Variants in HSPG2 observed in about 807,000 individuals in gnomAD.
The protein encoded by HSPG2 is heparan sulfate proteoglycan 2.
In HSPG2, 278 loss-of-function variants were observed where a neutral mutation model predicts 526.6. The ratio of observed to expected loss-of-function variants is 0.53; its 90% CI spans 0.48 to 0.58. The LOEUF (loss-of-function observed/expected upper bound fraction) is 0.58. Ranked by LOEUF, HSPG2 falls within the 20% of genes least tolerant of loss-of-function variation. The probability of loss-of-function intolerance (pLI) is 0.00; values close to 1 mark genes in which losing one functional copy is unlikely to be tolerated. For synonymous variants in HSPG2, 2,465 were observed against 2,555.4 expected (o/e 0.96, Z 1.07); for missense variants, 5,354 against 6,099.5 (o/e 0.88, Z 4.07).
In HSPG2 at chr1:21,839,231, G is replaced by A; in HGVS notation, c.9889+140C>T. ...GCAAAGGTCCCAGGCCAGGGTGTGG[G>A]TGTCGGGCAGGGCAGGCTCCAGGAC... On this transcript the variant is annotated intron_variant, in intron 73 of 96. Coordinates refer to ENST00000374695, the MANE Select transcript of HSPG2 (RefSeq NM_005529.7). This position sits in a 1 kb window ranked among gnomAD's most constrained non-coding sequence, Gnocchi z 4.5. The A allele has an allele frequency of 7.0e-7, 1 of 1,426,372 alleles. No homozygotes were observed. Among genetic ancestry groups the A allele is most frequent in the South Asian group, 1.2e-5 (1 of 83,028 alleles). 88.4% of individuals were successfully genotyped at this position (1,426,372 alleles called of 1,614,324 possible). A position where few individuals can be genotyped will look rare whatever the true frequency, so the allele number is the denominator to read the frequency against.
At chr1:21,922,797 C>T (rs944257523) in intron 1 of HSPG2, among the ~76,000 whole-genome samples, 4 of 152,168 alleles carry the variant, frequency 2.6e-5, no homozygotes, top group East Asian at 1.9e-4. Flanking sequence ...GGGCCCAGGC[C>T]GGCTGAAAGC....
intron 1 of HSPG2, among the ~76,000 whole-genome samples, chr1:21,933,207 G>T (rs941158730): frequency 1.3e-5 from 2 of 150,150 alleles, no homozygotes; most frequent in Non-Finnish European, 3.0e-5. Context: ...GTGACAGTGT[G>T]AGACCCTGTC....
chr1:21,839,941 T>G lies in HSPG2; in HGVS notation c.9590A>C (p.Gln3197Pro). Residue 3197 changes from glutamine (Q) to proline (P), a missense_variant, in exon 72 of 97, where the codon CAG (glutamine) becomes CCG (proline). Physicochemically the swap from Gln to Pro is moderately conservative, Grantham distance 76 (BLOSUM62 -1). Transcript: ENST00000374695. The surrounding 1 kb of genome is among the most constrained non-coding windows in gnomAD (Gnocchi z 4.5). ...AQNALGTAQK[Q>P]VEVIVDTGAM... is the part of the protein sequence containing the mutation. ...GCCCGTGTCCACGATCACCTCCACC[T>G]GCTTCTGTGCTGTGCCTAGTGCATT... The G allele has an allele frequency of 6.2e-7, 1 of 1,614,168 alleles. No homozygotes were observed. Among genetic ancestry groups the G allele is most frequent in the Non-Finnish European group, 8.5e-7 (1 of 1,180,024 alleles).
chr1:21,844,896 T>C (rs1411688221), intron 64 of HSPG2, among the ~76,000 whole-genome samples: 1 of 152,262 alleles, frequency 6.6e-6, no homozygotes, highest in Non-Finnish European at 1.5e-5. Context: ...GCATAGCATG[T>C]GCCCCCTGTG....
At position 21,895,850 on chromosome 1, in the gene HSPG2, G is replaced by C; in HGVS notation, c.244+72C>G. 6.9e-7 allele frequency: 1 copy of C among 1,448,222 alleles called. No homozygotes were observed. Among genetic ancestry groups the C allele is most frequent in the Middle Eastern group, 2.1e-4 (1 of 4,800 alleles). The allele number at this position is 1,448,222 out of a possible 1,614,324, so 89.7% of individuals were successfully genotyped here. ...CCAGGGCAGGCCCAAGGAGCCCTCA[G>C]CCCAGGAGACTGGCTCTGGGGCTTC... On this transcript the variant is annotated intron_variant, in intron 3 of 96. Transcript: ENST00000374695. This position sits in a 1 kb window ranked among gnomAD's most constrained non-coding sequence, Gnocchi z 4.1.
In HSPG2 at chr1:21,828,460, G is replaced by A; in HGVS notation, c.12238-34C>T. The A allele has an allele frequency of 6.2e-7, 1 of 1,607,214 alleles. No homozygotes were observed. Among genetic ancestry groups the A allele is most frequent in the East Asian group, 2.2e-5 (1 of 44,842 alleles). On this transcript the variant is annotated intron_variant, in intron 88 of 96. Transcript: ENST00000374695. This position sits in a 1 kb window ranked among gnomAD's most constrained non-coding sequence, Gnocchi z 6.0. ...ACAGGGACACCGAGGGACTAAAGGG[G>A]CCTGGGAGGCAGAGACCCAGGTGTA...
chr1:21,830,959 C>T (rs772164271), intron 85 of HSPG2, 23 bp downstream of exon 85: 21 of 1,518,292 alleles, frequency 1.4e-5, no homozygotes, highest in East Asian at 2.4e-5. Context: ...GGGGCGACAG[C>T]GACTGGCGGT....
At chr1:21,937,078 C>T (rs1644508101) in intron 1 of HSPG2, 77 bp downstream of exon 1, 2 of 508,306 alleles carry the variant, frequency 3.9e-6, no homozygotes, top group African/African-American at 2.0e-5. Flanking sequence ...GCCAAGTTGG[C>T]GGGAGGCGGC....
chr1:21,877,112 C>A (rs1489344832), intron 21 of HSPG2, among the ~76,000 whole-genome samples: 1 of 151,440 alleles, frequency 6.6e-6, no homozygotes, highest in Non-Finnish European at 1.5e-5. Flanking sequence ...ATGTATGAGG[C>A]GTCATTGCCA....
intron 67 of HSPG2, 86 bp downstream of exon 67, chr1:21,842,684 G>T: frequency 2.6e-6 from 4 of 1,557,524 alleles, no homozygotes; most frequent in Non-Finnish European, 2.6e-6. Context: ...CAAGCAGGCT[G>T]GTGTTTGCAT....
At chr1:21,916,059 A>AAAG (rs370782829) in intron 1 of HSPG2, among the ~76,000 whole-genome samples, 1 of 78,930 alleles carries the variant, frequency 1.3e-5, no homozygotes, top group African/African-American at 4.8e-5. Flanking sequence ...TCAAAAAAGA[A>AAAG]AAGAAGAAGA....
At chr1:21,932,600 C>A (rs998034055) in intron 1 of HSPG2, among the ~76,000 whole-genome samples, 1 of 152,092 alleles carries the variant, frequency 6.6e-6, no homozygotes, top group African/African-American at 2.4e-5. Context: ...ACAGGCCAGA[C>A]AATTGTGAGA....
At chr1:21,920,086 T>C (rs560868374) in intron 1 of HSPG2, among the ~76,000 whole-genome samples, 3 of 152,346 alleles carry the variant, frequency 2.0e-5, no homozygotes, top group African/African-American at 7.2e-5. Context: ...TTCATATTTT[T>C]AGCAGAGATG....
At position 21,890,516 on chromosome 1, in the gene HSPG2, G is replaced by C. The variant is rs1189715464; in HGVS notation, c.355-31C>G. ...GAGGGACACAGTGCCATCAGCCCCA[G>C]AGGCCTTCACCCCATCCTCGGTCCT... On this transcript the variant is annotated intron_variant, in intron 4 of 96. Transcript: ENST00000374695. This position sits in a 1 kb window ranked among gnomAD's most constrained non-coding sequence, Gnocchi z 4.1. 5.0e-6 allele frequency: 8 copies of C among 1,613,250 alleles called. No homozygotes were observed. Among genetic ancestry groups the C allele is most frequent in the Non-Finnish European group, 5.9e-6 (7 of 1,179,320 alleles).
chr1:21,869,067 G>T (rs532304311), intron 33 of HSPG2: 77 of 246,238 alleles, frequency 3.1e-4, no homozygotes, highest in Middle Eastern at 2.0e-3. Context: ...TGGGAGGGAG[G>T]CCTGGTGGCA....
rs773706336 is a variant in HSPG2, at chr1:21,859,801, C to T, written c.5182+34G>A. On this transcript the variant is annotated intron_variant, in intron 41 of 96. Coordinates refer to ENST00000374695, the MANE Select transcript of HSPG2 (RefSeq NM_005529.7). This position sits in a 1 kb window ranked among gnomAD's most constrained non-coding sequence, Gnocchi z 5.3. ...CCTGCCTCCCCTCCCACTGGGATGGCTCTTGGGGCTGAGGAGCCTAGGGCC... is the reference window on the plus strand; with the variant it reads ...CCTGCCTCCCCTCCCACTGGGATGGTTCTTGGGGCTGAGGAGCCTAGGGCC... The T allele has an allele frequency of 1.0e-5, 16 of 1,607,892 alleles. No homozygotes were observed. Among genetic ancestry groups the T allele is most frequent in the Non-Finnish European group, 1.1e-5 (13 of 1,178,316 alleles).
chr1:21,889,511 A>C (rs1410178716), intron 6 of HSPG2, among the ~76,000 whole-genome samples: 1 of 152,178 alleles, frequency 6.6e-6, no homozygotes, highest in African/African-American at 2.4e-5. Flanking sequence ...CCTTTTCACT[A>C]TCTGCCCATC....
rs2098015192 is a variant in HSPG2, at chr1:21,833,857, T to C, written c.10789A>G (p.Ile3597Val). The C allele has an allele frequency of 6.2e-7, 1 of 1,605,502 alleles. No individual in the cohort carries two copies. Among genetic ancestry groups the C allele is most frequent in the Middle Eastern group, 1.7e-4 (1 of 6,052 alleles). Residue 3597 changes from isoleucine to valine, a missense_variant, in exon 78 of 97, where the codon ATA becomes GTA. Physicochemically the swap from Ile to Val is conservative, Grantham distance 29 (BLOSUM62 3). Transcript: ENST00000374695. Reference protein sequence around the residue: ...PAGSAAVFPCIASGYPTPDIS... With the variant: ...PAGSAAVFPCVASGYPTPDIS... ...TCAGGAGTGGGGTAGCCTGAGGCTA[T>C]GCAGGGGAAGACAGCTGCAGAACCA...
rs148626953 is a variant in HSPG2 at position 21,854,959 on chromosome 1, C to G, written c.6022G>C (p.Ala2008Pro). 8 of 1,613,564 alleles carry G rather than the reference C, an allele frequency of 5.0e-6. No homozygotes were observed. The African/African-American group carries it at 9.3e-5, about 19-fold the overall frequency. The change falls in exon 48 of 97, where the codon GCG (alanine) becomes CCG (proline). Residue 2008 changes from alanine to proline, a missense_variant. By Grantham distance (27) the Ala-to-Pro change is conservative. Transcript: ENST00000374695. Reference protein sequence around the residue: ...PQARSERTDIATLLIPAITTA... With the variant: ...PQARSERTDIPTLLIPAITTA... Reference sequence around the variant, plus strand: ...GTGATGGCTGGGATGAGCAGTGTCGCGATGTCTGTGCGCTCTGACCGGGCC... The same window carrying G: ...GTGATGGCTGGGATGAGCAGTGTCGGGATGTCTGTGCGCTCTGACCGGGCC...
Sources: gnomAD v4.1 joint callset for allele counts (sites outside exome capture counted in the v4.1 genomes callset) on GRCh38, gnomAD v4.1.1 for gene constraint, Gnocchi (gnomAD v3.1) non-coding constraint, MANE v1.5 for transcripts, NCBI Gene and HGNC (gene_info 2026-07-23, HGNC 2026-07-21) for gene names.